The following DGKB variants were observed in gnomAD, a reference collection of about 807,000 sequenced individuals.
DGKB encodes 90 kDa diacylglycerol kinase.
In DGKB, 67 loss-of-function variants were observed where a neutral mutation model predicts 114.3. That is an observed-to-expected ratio of 0.59 (90% CI 0.48 to 0.72). The LOEUF (loss-of-function observed/expected upper bound fraction) is 0.72. Ranked by LOEUF, DGKB falls within the 30% of genes least tolerant of loss-of-function variation. The pLI, the probability that DGKB is intolerant of heterozygous loss-of-function variation, is 0.00. For missense variants in DGKB, 907 were observed against 975.2 expected (o/e 0.93, Z 0.93); for synonymous variants, 398 against 323.1 (o/e 1.23, Z -2.49).
At chr7:14,798,478 C>A (rs963520196) in intron 2 of DGKB, among the ~76,000 whole-genome samples, 25 of 152,100 alleles carry the variant, frequency 1.6e-4, no homozygotes, top group African/African-American at 5.1e-4. Context: ...TTTTGTAAAC[C>A]TCCTTTACAT....
chr7:14,180,503 C>T (rs1469849687), intron 23 of DGKB, among the ~76,000 whole-genome samples: 1 of 152,158 alleles, frequency 6.6e-6, no homozygotes, highest in Non-Finnish European at 1.5e-5. Flanking sequence ...GGCTTTTAAA[C>T]TTTCATGTTC....
At chr7:14,512,773 C>T (rs1788178464) in intron 20 of DGKB, among the ~76,000 whole-genome samples, 3 of 152,016 alleles carry the variant, frequency 2.0e-5, no homozygotes, top group South Asian at 4.1e-4. Context: ...TATAACACAG[C>T]TTATTATTAT....
intron 13 of DGKB, among the ~76,000 whole-genome samples, chr7:14,667,869 T>C (rs1818310155): frequency 6.6e-6 from 1 of 152,086 alleles, no homozygotes; most frequent in Non-Finnish European, 1.5e-5. Context: ...GTGGGCAAAA[T>C]TTTAAAGCAA....
At chr7:14,794,534 G>C (rs1265973551) in intron 2 of DGKB, among the ~76,000 whole-genome samples, 1 of 152,084 alleles carries the variant, frequency 6.6e-6, no homozygotes, top group Non-Finnish European at 1.5e-5. Context: ...CTAAGGATTT[G>C]AATTCCCAGC....
At chr7:14,223,939 C>G (rs907489439) in intron 23 of DGKB, among the ~76,000 whole-genome samples, 1 of 151,482 alleles carries the variant, frequency 6.6e-6, no homozygotes, top group African/African-American at 2.4e-5. Flanking sequence ...TTTTCCAGGT[C>G]TTTTTCCAGG....
At chr7:14,911,229 A>G (rs1482133724) in intron 1 of DGKB, among the ~76,000 whole-genome samples, 1 of 152,118 alleles carries the variant, frequency 6.6e-6, no homozygotes. Flanking sequence ...TGAAAAAAAT[A>G]ATGGAATCAG....
At chr7:14,680,737 A>C (rs1448061354) in intron 12 of DGKB, among the ~76,000 whole-genome samples, 1 of 151,990 alleles carries the variant, frequency 6.6e-6, no homozygotes, top group African/African-American at 2.4e-5. Context: ...GACAGACTTC[A>C]TGGAGATTAA....
intron 21 of DGKB, among the ~76,000 whole-genome samples, chr7:14,438,899 A>T (rs866134045): frequency 3.5e-4 from 53 of 151,810 alleles, no homozygotes; most frequent in African/African-American, 1.2e-3. Flanking sequence ...ACCTGAATAT[A>T]CTCCCTAACC....
chr7:14,894,673 G>C (rs1781827657), intron 1 of DGKB, among the ~76,000 whole-genome samples: 1 of 151,360 alleles, frequency 6.6e-6, no homozygotes, highest in African/African-American at 2.4e-5. Flanking sequence ...AGTTGCCTAA[G>C]CACCAAATGT....
chr7:14,892,505 A>G (rs1043657263), intron 1 of DGKB, among the ~76,000 whole-genome samples: 1 of 151,258 alleles, frequency 6.6e-6, no homozygotes, highest in Non-Finnish European at 1.5e-5. Flanking sequence ...ATATATATTT[A>G]CATATAAATA....
chr7:14,333,968 A>T (rs1382542114), intron 23 of DGKB, among the ~76,000 whole-genome samples: 3 of 152,210 alleles, frequency 2.0e-5, no homozygotes, highest in African/African-American at 7.2e-5. Context: ...GAGCATGTTT[A>T]AAATCTTCTC....
chr7:14,588,404 GTCT>G (rs1801135706), intron 17 of DGKB, among the ~76,000 whole-genome samples: 2 of 151,920 alleles, frequency 1.3e-5, no homozygotes, highest in Admixed American at 1.3e-4. Flanking sequence ...ACCTTAACTA[GTCT>G]TCTGTAAGAC....
In DGKB at chr7:14,941,892, C is replaced by T. The variant is rs569636701; in HGVS notation, c.-188+32804G>A. ...CAAAAAATATTAAATCATTACTTTT[C>T]AACTCAACCTTTAGTAACAGTTAAT... On this transcript the variant is annotated intron_variant, in intron 1 of 4. Transcript: ENST00000437998. 5.9e-5 allele frequency among the ~76,000 whole-genome samples: 9 copies of T among 152,116 alleles called. No homozygotes were observed. The East Asian group carries it at 1.4e-3, about 23-fold the overall frequency.
chr7:14,150,322 C>G (rs1205084100), intron 25 of DGKB, among the ~76,000 whole-genome samples: 2 of 152,098 alleles, frequency 1.3e-5, no homozygotes, highest in African/African-American at 4.8e-5. Flanking sequence ...AAATATATCT[C>G]TTAAAGTGCA....
At chr7:14,712,090 A>T (rs1827449308) in intron 6 of DGKB, among the ~76,000 whole-genome samples, 1 of 152,208 alleles carries the variant, frequency 6.6e-6, no homozygotes. Context: ...AGGAACACAT[A>T]AGGATCAAGC....
chr7:14,534,071 G>T (rs569979925), intron 20 of DGKB, among the ~76,000 whole-genome samples: 2 of 151,876 alleles, frequency 1.3e-5, no homozygotes, highest in Non-Finnish European at 2.9e-5. Context: ...AAAATTAAGA[G>T]ACAAAATTAT....
intron 2 of DGKB, among the ~76,000 whole-genome samples, chr7:14,759,845 C>A (rs558036019): frequency 1.2e-4 from 18 of 152,286 alleles, no homozygotes; most frequent in East Asian, 1.9e-4. Context: ...TTGATTTTCA[C>A]AACAGCTACA....
At chr7:14,845,540 C>T (rs1018685020) in intron 1 of DGKB, among the ~76,000 whole-genome samples, 6 of 152,282 alleles carry the variant, frequency 3.9e-5, no homozygotes, top group African/African-American at 7.2e-5. Flanking sequence ...CTACACTCCA[C>T]GATGTAAGCC....
At chr7:14,876,665 G>A (rs972807153) in intron 1 of DGKB, among the ~76,000 whole-genome samples, 1 of 152,132 alleles carries the variant, frequency 6.6e-6, no homozygotes, top group African/African-American at 2.4e-5. Context: ...CATGCAACTT[G>A]GTTGCTTTCC....
Sources: gnomAD v4.1 joint callset for allele counts (sites outside exome capture counted in the v4.1 genomes callset) on GRCh38, gnomAD v4.1.1 for gene constraint, MANE v1.5 for transcripts, NCBI Gene and HGNC (gene_info 2026-07-23, HGNC 2026-07-21) for gene names.